CBLB: variants seen among roughly 807,000 people sequenced by gnomAD.
The protein encoded by CBLB is Cbl proto-oncogene B.
In CBLB, 31 loss-of-function variants were observed where a neutral mutation model predicts 104.9. The ratio of observed to expected loss-of-function variants is 0.30; its 90% CI spans 0.22 to 0.40. The LOEUF (loss-of-function observed/expected upper bound fraction) is 0.40, where lower values mean the gene tolerates loss of function less well. Ranked by LOEUF, CBLB falls within the 10% of genes least tolerant of loss-of-function variation. The pLI, the probability that CBLB is intolerant of heterozygous loss-of-function variation, is 1.00. For missense variants in CBLB, 1,062 were observed against 1,214.6 expected (o/e 0.87, Z 1.87); for synonymous variants, 440 against 422.6 (o/e 1.04, Z -0.51).
At chr3:105,841,041 C>T (rs2089463870) in intron 3 of CBLB, among the ~76,000 whole-genome samples, 3 of 152,016 alleles carry the variant, frequency 2.0e-5, no homozygotes, top group African/African-American at 2.4e-5. Flanking sequence ...TGCCTGTAAG[C>T]CCAGCACTTT....
chr3:105,771,641 AT>A (rs2078888604), intron 4 of CBLB, among the ~76,000 whole-genome samples: 1 of 152,162 alleles, frequency 6.6e-6, no homozygotes, highest in Non-Finnish European at 1.5e-5. Flanking sequence ...AAGCCTCAAG[AT>A]TCATCCAAAA....
chr3:105,708,954 C>T (rs1297634446), intron 10 of CBLB, among the ~76,000 whole-genome samples: 2 of 151,332 alleles, frequency 1.3e-5, no homozygotes, highest in African/African-American at 4.9e-5. Flanking sequence ...AAAGCTTGCC[C>T]ATCTACACTG....
chr3:105,837,943 G>C (rs1200746828), intron 3 of CBLB, among the ~76,000 whole-genome samples: 1 of 151,886 alleles, frequency 6.6e-6, no homozygotes, highest in Non-Finnish European at 1.5e-5. Flanking sequence ...AATACATCAG[G>C]ATTTTCAAAT....
chr3:105,820,047 C>T (rs772234868), intron 3 of CBLB, among the ~76,000 whole-genome samples: 1 of 152,120 alleles, frequency 6.6e-6, no homozygotes, highest in Non-Finnish European at 1.5e-5. Flanking sequence ...AATGTAGAAT[C>T]AGTGGGAACC....
rs752414426 is a variant in CBLB at position 105,659,006 on chromosome 3, G to A, written c.2913C>T (p.Ala971=). 6.2e-7 allele frequency: 1 copy of A among 1,614,002 alleles called. No individual in the cohort carries two copies. Among genetic ancestry groups the A allele is most frequent in the Non-Finnish European group, 8.5e-7 (1 of 1,179,936 alleles). The part of the protein sequence containing the change: ...EVARSILREF[A]FPPPVSPRLN... Reference sequence around the variant, plus strand: ...GACGTGGGGATACTGGAGGAGGGAAGGCAAATTCTCGGAGGATGCTCCGGG... The same window carrying A: ...GACGTGGGGATACTGGAGGAGGGAAAGCAAATTCTCGGAGGATGCTCCGGG... Residue 971 remains alanine, a synonymous_variant, in exon 19 of 19, where the codon GCC becomes GCT. Transcript: ENST00000394030.
chr3:105,673,099 T>C (rs1455087542), intron 17 of CBLB: 1 of 150,514 alleles, frequency 6.6e-6, no homozygotes, highest in African/African-American at 2.4e-5. Context: ...GAGAGCGTCT[T>C]GTTCTGTCAC....
intron 3 of CBLB, among the ~76,000 whole-genome samples, chr3:105,818,538 G>T (rs2085373002): frequency 6.6e-6 from 1 of 152,066 alleles, no homozygotes; most frequent in Non-Finnish European, 1.5e-5. Context: ...TGAAATTTAT[G>T]AAATTAAGGC....
At chr3:105,854,380 T>C (rs185548668) in intron 2 of CBLB, among the ~76,000 whole-genome samples, 1 of 152,354 alleles carries the variant, frequency 6.6e-6, no homozygotes, top group African/African-American at 2.4e-5. Context: ...TTCTACATGT[T>C]CATGTGATTT....
In CBLB at chr3:105,822,987, G is replaced by A. The variant is rs189245152; in HGVS notation, c.419+30427C>T. ...TGTGCTGCTTTTGTTCCTGTTTATC[G>A]CTCAGAAAAGTACTTGTTTATAGAA... On this transcript the variant is annotated intron_variant, in intron 3 of 18. Transcript: ENST00000394030. Among the ~76,000 whole-genome samples, 275 of 152,098 alleles carry A rather than the reference G, an allele frequency of 1.8e-3. 1 individual carries two copies. The highest frequency in any genetic ancestry group is 4.8e-3 in the African/African-American group (200 of 41,504).
At chr3:105,725,399 A>G (rs563648340) in intron 9 of CBLB, among the ~76,000 whole-genome samples, 28 of 152,218 alleles carry the variant, frequency 1.8e-4, no homozygotes, top group Admixed American at 3.3e-4. Flanking sequence ...CCTATAAAAG[A>G]TCCATGTTGG....
intron 9 of CBLB, among the ~76,000 whole-genome samples, chr3:105,728,172 CCTCT>C (rs1295091366): frequency 1.3e-5 from 2 of 151,826 alleles, no homozygotes; most frequent in Non-Finnish European, 2.9e-5. Flanking sequence ...TTCTTTATGT[CCTCT>C]CTGTTTGCAG....
chr3:105,847,823 G>A (rs2090471939), intron 3 of CBLB, among the ~76,000 whole-genome samples: 1 of 152,016 alleles, frequency 6.6e-6, no homozygotes, highest in Non-Finnish European at 1.5e-5. Context: ...CTATTAAAAT[G>A]GTTAACTGAT....
chr3:105,741,983 C>T (rs1400658846), intron 6 of CBLB, among the ~76,000 whole-genome samples: 3 of 152,290 alleles, frequency 2.0e-5, no homozygotes, highest in Admixed American at 6.5e-5. Context: ...CAAATCAAGT[C>T]CCTTGAAACT....
At chr3:105,716,247 C>G (rs1272115482) in intron 10 of CBLB, among the ~76,000 whole-genome samples, 2 of 152,092 alleles carry the variant, frequency 1.3e-5, no homozygotes, top group African/African-American at 2.4e-5. Flanking sequence ...GTTTGATGCT[C>G]TGTGTATATA....
intron 9 of CBLB, among the ~76,000 whole-genome samples, chr3:105,720,869 T>A (rs2072716417): frequency 6.6e-6 from 1 of 152,234 alleles, no homozygotes; most frequent in Non-Finnish European, 1.5e-5. Context: ...TGTGAGATAC[T>A]AAGTTTTGCC....
intron 4 of CBLB, chr3:105,762,423 T>C (rs535748936): frequency 2.1e-4 from 32 of 152,384 alleles, no homozygotes; most frequent in African/African-American, 6.5e-4. Flanking sequence ...AATGGTTTCA[T>C]TGGCTGTACC....
chr3:105,850,808 C>A (rs2090843993), intron 3 of CBLB, among the ~76,000 whole-genome samples: 1 of 152,190 alleles, frequency 6.6e-6, no homozygotes, highest in African/African-American at 2.4e-5. Flanking sequence ...TCTACCACAT[C>A]CGCAGATTCA....
At chr3:105,762,603 A>G (rs1032708521) in intron 4 of CBLB, among the ~76,000 whole-genome samples, 10 of 152,224 alleles carry the variant, frequency 6.6e-5, no homozygotes, top group Admixed American at 6.5e-4. Context: ...TCAAGAAGTT[A>G]AGGTATAGGA....
intron 2 of CBLB, among the ~76,000 whole-genome samples, chr3:105,854,926 C>T (rs574498826): frequency 5.3e-5 from 8 of 152,038 alleles, no homozygotes; most frequent in East Asian, 1.9e-4. Flanking sequence ...CCACCGTACC[C>T]GGCCTAAGAG....
Sources: gnomAD v4.1 joint callset for allele counts (sites outside exome capture counted in the v4.1 genomes callset) on GRCh38, gnomAD v4.1.1 for gene constraint, MANE v1.5 for transcripts, NCBI Gene and HGNC (gene_info 2026-07-23, HGNC 2026-07-21) for gene names.